The following NKAIN3 variants were observed in gnomAD, a reference collection of about 807,000 sequenced individuals.
NKAIN3 encodes sodium/potassium-transporting ATPase subunit beta-1-interacting protein 3.
Under a neutral mutation model 30.2 loss-of-function variants are expected in NKAIN3, and 25 were observed. The ratio of observed to expected loss-of-function variants is 0.83; its 90% CI spans 0.60 to 1.16. The LOEUF is 1.16. NKAIN3 is among the 50% of genes most tolerant of loss of function. NKAIN3 has a pLI of 0.00. For synonymous variants in NKAIN3, 91 were observed against 89.6 expected, an observed-to-expected ratio of 1.02 and a Z score of -0.09; for missense variants, 225 against 254.1, an observed-to-expected ratio of 0.89 and a Z score of 0.78.
At chr8:62,315,146 A>C (rs146973255) in intron 1 of NKAIN3, among the ~76,000 whole-genome samples, 4 of 152,330 alleles carry the variant, frequency 2.6e-5, no homozygotes, top group Admixed American at 2.6e-4. Context: ...TTAGCACATT[A>C]TCTAAGTTAC....
At chr8:62,520,550 G>A (rs1363677294) in intron 1 of NKAIN3, among the ~76,000 whole-genome samples, 4 of 151,882 alleles carry the variant, frequency 2.6e-5, no homozygotes, top group African/African-American at 4.8e-5. Context: ...AATTTTTATC[G>A]GCAGTACTTG....
Position 62,249,077 on chromosome 8 carries a change from G to C in NKAIN3, c.4G>C (p.Gly2Arg). ...CCGCTCGGACGCCGCCGGCACCATGGGCTGCTGCACCGGACGCTGCTCGCT... is the reference window on the plus strand; with the variant it reads ...CCGCTCGGACGCCGCCGGCACCATGCGCTGCTGCACCGGACGCTGCTCGCT... M[G>R]CCTGRCSLIC... Residue 2 changes from glycine to arginine, a missense_variant, in exon 1 of 7, where the codon GGC (glycine) becomes CGC (arginine). By Grantham distance (125) the Gly-to-Arg change is moderately radical (BLOSUM62 -2). Coordinates refer to ENST00000623646, the MANE Select transcript of NKAIN3 (RefSeq NM_001304533.3). The C allele has an allele frequency of 6.5e-7, 1 of 1,536,824 alleles. No individual in the cohort carries two copies. The highest frequency in any genetic ancestry group is 8.7e-7 in the Non-Finnish European group (1 of 1,143,520).
rs1393478849 is a variant in NKAIN3, at chr8:62,979,996, T to A, written c.*14589T>A. 6.6e-6 allele frequency: 1 copy of A among 152,296 alleles called. No individual in the cohort carries two copies. Among genetic ancestry groups the A allele is most frequent in the Non-Finnish European group, 1.5e-5 (1 of 68,106 alleles). The allele number at this position is 152,296 out of a possible 1,614,324, so 9.4% of individuals were successfully genotyped here. A position where few individuals can be genotyped will look rare whatever the true frequency, so the allele number is the denominator to read the frequency against. ...TTGTCTTGTCTTTGCTTTTTATTCA[T>A]CTTTGCTTTTGTCTTCTCAGGGCAA... is the stretch of plus-strand genomic sequence containing the variant. On this transcript the variant is annotated 3_prime_UTR_variant, in exon 7 of 7. Transcript: ENST00000623646.
chr8:62,896,732 T>C (rs1204394378), intron 4 of NKAIN3, among the ~76,000 whole-genome samples: 1 of 152,168 alleles, frequency 6.6e-6, no homozygotes, highest in East Asian at 1.9e-4. Flanking sequence ...GGGATGGAGA[T>C]AGGCAAGCTT....
intron 1 of NKAIN3, among the ~76,000 whole-genome samples, chr8:62,474,674 T>C (rs1039637956): frequency 6.6e-6 from 1 of 152,182 alleles, no homozygotes; most frequent in Non-Finnish European, 1.5e-5. Flanking sequence ...TCTAAAAATA[T>C]GTTTCAAAAA....
intron 3 of NKAIN3, among the ~76,000 whole-genome samples, chr8:62,677,114 C>T (rs1024951959): frequency 1.3e-5 from 2 of 152,004 alleles, no homozygotes; most frequent in Non-Finnish European, 2.9e-5. Context: ...GGTCTGATTT[C>T]CCAGGAAATA....
chr8:62,804,519 C>A (rs1448503729), intron 4 of NKAIN3, among the ~76,000 whole-genome samples: 3 of 152,104 alleles, frequency 2.0e-5, no homozygotes, highest in Non-Finnish European at 4.4e-5. Flanking sequence ...TAAATGTAAT[C>A]CAGCATATAA....
chr8:62,527,388 G>A (rs1386946366), intron 1 of NKAIN3, among the ~76,000 whole-genome samples: 1 of 152,140 alleles, frequency 6.6e-6, no homozygotes, highest in Non-Finnish European at 1.5e-5. Context: ...GGAATTTGAG[G>A]CTAACCAAAC....
intron 1 of NKAIN3, among the ~76,000 whole-genome samples, chr8:62,262,373 C>T (rs989668710): frequency 6.6e-6 from 1 of 152,160 alleles, no homozygotes; most frequent in African/African-American, 2.4e-5. Flanking sequence ...AGCCGATGAA[C>T]CACTTCTGAC....
intron 3 of NKAIN3, among the ~76,000 whole-genome samples, chr8:62,667,371 A>G (rs1318772913): frequency 1.4e-5 from 2 of 144,958 alleles, no homozygotes; most frequent in African/African-American, 5.1e-5. Flanking sequence ...GTATATATAT[A>G]TATAAATATA....
downstream of NKAIN3, among the ~76,000 whole-genome samples, chr8:62,986,073 C>T (rs1030034226): frequency 9.2e-5 from 14 of 152,094 alleles, no homozygotes; most frequent in Admixed American, 5.2e-4. Context: ...TCCTATGCCT[C>T]GTTGGACAAA....
chr8:62,388,289 C>A (rs1348610714), intron 1 of NKAIN3, among the ~76,000 whole-genome samples: 3 of 152,170 alleles, frequency 2.0e-5, no homozygotes, highest in Non-Finnish European at 4.4e-5. Context: ...ATGTTTATAT[C>A]TGATTATTCC....
intron 4 of NKAIN3, among the ~76,000 whole-genome samples, chr8:62,830,626 G>A (rs1819167234): frequency 6.6e-6 from 1 of 152,102 alleles, no homozygotes; most frequent in Non-Finnish European, 1.5e-5. Context: ...CTTCCACTGA[G>A]CAGCAGGGCC....
chr8:62,654,611 G>A (rs1173103077), intron 3 of NKAIN3, among the ~76,000 whole-genome samples: 2 of 152,124 alleles, frequency 1.3e-5, no homozygotes, highest in African/African-American at 2.4e-5. Flanking sequence ...AGAGGACAAT[G>A]GTAGTGTCCT....
At chr8:62,468,388 G>A (rs1405883183) in intron 1 of NKAIN3, among the ~76,000 whole-genome samples, 2 of 152,140 alleles carry the variant, frequency 1.3e-5, no homozygotes, top group African/African-American at 4.8e-5. Context: ...CCTCCCTTGT[G>A]TGCCAAACCA....
intron 1 of NKAIN3, among the ~76,000 whole-genome samples, chr8:62,391,830 T>C (rs938922380): frequency 6.6e-6 from 1 of 151,936 alleles, no homozygotes; most frequent in South Asian, 2.1e-4. Flanking sequence ...CGTGTGTGGG[T>C]GTGTGTGAAA....
intron 4 of NKAIN3, among the ~76,000 whole-genome samples, chr8:62,871,947 C>T (rs1820658739): frequency 6.6e-6 from 1 of 152,316 alleles, no homozygotes; most frequent in South Asian, 2.1e-4. Context: ...CATAGTCATG[C>T]ATTGCATAAG....
chr8:62,856,013 C>A, intron 4 of NKAIN3: 1 of 685,700 alleles, frequency 1.5e-6, no homozygotes, highest in South Asian at 1.6e-5. Context: ...GGCACATGAA[C>A]AGGGAGGGCC....
At chr8:62,614,815 C>T (rs1811399664) in intron 3 of NKAIN3, among the ~76,000 whole-genome samples, 1 of 152,046 alleles carries the variant, frequency 6.6e-6, no homozygotes, top group Non-Finnish European at 1.5e-5. Context: ...TACTGCCAGA[C>T]TACCTCTAAT....
Sources: gnomAD v4.1 joint callset for allele counts (sites outside exome capture counted in the v4.1 genomes callset) on GRCh38, gnomAD v4.1.1 for gene constraint, MANE v1.5 for transcripts, NCBI Gene and HGNC (gene_info 2026-07-23, HGNC 2026-07-21) for gene names.